Variants in PHF12 observed in about 807,000 individuals in gnomAD.
The protein encoded by PHF12 is PHD factor 1.
Under a neutral mutation model 99.8 loss-of-function variants are expected in PHF12, and 6 were observed. The ratio of observed to expected loss-of-function variants is 0.06; its 90% confidence interval spans 0.03 to 0.12. The LOEUF is 0.12. PHF12 is among the 10% of genes least tolerant of loss of function. PHF12 has a pLI of 1.00. For missense variants in PHF12, 954 were observed against 1,300.1 expected (o/e 0.73, Z 4.09); for synonymous variants, 480 against 514.9 (o/e 0.93, Z 0.92).
chr17:28,912,670 C>A lies in PHF12; in HGVS notation c.1901G>T (p.Ser634Ile). The A allele has an allele frequency of 6.2e-7, 1 of 1,614,198 alleles. No homozygotes were observed. Among genetic ancestry groups the A allele is most frequent in the Non-Finnish European group, 8.5e-7 (1 of 1,180,042 alleles). The change falls in exon 9 of 15, where the codon AGC (serine) becomes ATC (isoleucine). Residue 634 changes from serine to isoleucine, a missense_variant. Ser to Ile is a moderately radical substitution (Grantham distance 142). Around this residue, in one of 8 missense-constraint regions of PHF12, gnomAD observed 392 missense variants for 423.1 expected, o/e 0.93. Transcript: ENST00000332830. ...LPPSIPSSCA[S>I]IENTSTLQRK... is the part of the protein sequence containing the mutation. ...TTGCAAAGTGCTGGTGTTCTCGATG[C>A]TGGCACAAGAGCTGGGAATGGAAGG...
chr17:28,930,825 C>T (rs1230079337), intron 2 of PHF12, among the ~76,000 whole-genome samples: 1 of 152,334 alleles, frequency 6.6e-6, no homozygotes, highest in South Asian at 2.1e-4. Flanking sequence ...AATACCAGCA[C>T]TTTGTGAGGC....
chr17:28,914,165 G>C, intron 7 of PHF12, 128 bp from the exon 8 acceptor site: 1 of 1,026,890 alleles, frequency 9.7e-7, no homozygotes, highest in South Asian at 1.8e-5. Flanking sequence ...GGGGTCTGCT[G>C]AGGAAAAGGA....
At chr17:28,934,610 ATTTT>A (rs561144385) in intron 2 of PHF12, among the ~76,000 whole-genome samples, 2 of 126,510 alleles carry the variant, frequency 1.6e-5, no homozygotes, top group Non-Finnish European at 1.7e-5. Flanking sequence ...TTTCTTTTCT[ATTTT>A]TTTTTTTTTT....
chr17:28,928,952 C>T (rs1487060400), intron 2 of PHF12, among the ~76,000 whole-genome samples: 5 of 151,256 alleles, frequency 3.3e-5, no homozygotes, highest in Non-Finnish European at 7.4e-5. Context: ...AAAAATTAGC[C>T]GGGTGTAGTG....
In PHF12 at chr17:28,950,776, G is replaced by C. The variant is rs905401671; in HGVS notation, c.66+119C>G. On this transcript the variant is annotated intron_variant, in intron 1 of 14. Transcript: ENST00000332830. The surrounding 1 kb of genome is among the most constrained non-coding windows in gnomAD (Gnocchi z 5.7). ...AAGAGGGGAGGGAGAGGCTAGGTGA[G>C]GAAGAATCCCCCTCCCTCGGCCATC... The C allele has an allele frequency of 7.0e-7, 1 of 1,427,180 alleles. No homozygotes were observed. The highest frequency in any genetic ancestry group is 9.4e-7 in the Non-Finnish European group (1 of 1,060,050). 88.4% of individuals were successfully genotyped at this position (1,427,180 alleles called of 1,614,324 possible). A position where few individuals can be genotyped will look rare whatever the true frequency, so the allele number is the denominator to read the frequency against.
chr17:28,943,279 G>A (rs1396817908), intron 2 of PHF12, among the ~76,000 whole-genome samples: 5 of 152,134 alleles, frequency 3.3e-5, no homozygotes, highest in Non-Finnish European at 5.9e-5. Flanking sequence ...GTTACCATAC[G>A]ACCCAGCAAT....
intron 2 of PHF12, among the ~76,000 whole-genome samples, chr17:28,932,876 G>A (rs1442395524): frequency 6.6e-6 from 1 of 152,216 alleles, no homozygotes; most frequent in African/African-American, 2.4e-5. Context: ...AACCCAGGAG[G>A]TGGAGGTTGC....
At chr17:28,939,747 C>A (rs1226319448) in intron 2 of PHF12, among the ~76,000 whole-genome samples, 1 of 152,212 alleles carries the variant, frequency 6.6e-6, no homozygotes, top group Admixed American at 6.5e-5. Flanking sequence ...CTCTGAGGAC[C>A]ATAGCTGAGT....
rs1199337701 is a variant in PHF12 at position 28,927,101 on chromosome 17, C to A, written c.249-38G>T. On this transcript the variant is annotated intron_variant, in intron 2 of 14. Transcript: ENST00000332830. ...GACAAGGGCAAGACTAAATAACTAG[C>A]CCTTTGAGGCAGTAGGAAAAGCCTA... is the stretch of plus-strand genomic sequence containing the variant. 7 of 1,567,890 alleles carry A rather than the reference C, an allele frequency of 4.5e-6. No homozygotes were observed. In the African/African-American group the frequency reaches 8.1e-5, roughly 18 times the overall value.
intron 7 of PHF12, among the ~76,000 whole-genome samples, chr17:28,915,834 G>A (rs1401787796): frequency 6.6e-6 from 1 of 152,190 alleles, no homozygotes; most frequent in Non-Finnish European, 1.5e-5. Flanking sequence ...AGTACAAAAT[G>A]CTTTGCAGGT....
rs2040780339 is a variant in PHF12, at chr17:28,949,976, C to CGTTA, written c.248+85_248+88dup. The CGTTA allele has an allele frequency of 2.9e-6, 4 of 1,401,720 alleles. No homozygotes were observed. The highest frequency in any genetic ancestry group is 3.8e-6 in the Non-Finnish European group (4 of 1,049,930). 86.8% of individuals were successfully genotyped at this position (1,401,720 alleles called of 1,614,324 possible). A position where few individuals can be genotyped will look rare whatever the true frequency, so the allele number is the denominator to read the frequency against. Reference sequence around the variant, plus strand: ...AAGTCAGCTAGCGGCTGCAAGCGCCCGTTATTTCGGCAGTCAGGGGCAGGC... The same window carrying CGTTA: ...AAGTCAGCTAGCGGCTGCAAGCGCCCGTTAGTTATTTCGGCAGTCAGGGGCAGGC... On this transcript the variant is annotated intron_variant, in intron 2 of 14. Coordinates refer to ENST00000332830, the MANE Select transcript of PHF12 (RefSeq NM_001033561.2). This position sits in a 1 kb window ranked among gnomAD's most constrained non-coding sequence, Gnocchi z 4.6.
Position 28,905,371 on chromosome 17 carries a change from G to A in PHF12, c.*812C>T, listed in dbSNP as rs757132863. On this transcript the variant is annotated 3_prime_UTR_variant, in exon 15 of 15. Coordinates refer to ENST00000332830, the MANE Select transcript of PHF12 (RefSeq NM_001033561.2). ...GGTGGGAGGAGAGGAGGGAACCAGGGGCAGGAGGAAGAGGAGAGAAGTGGC... is the reference window on the plus strand; with the variant it reads ...GGTGGGAGGAGAGGAGGGAACCAGGAGCAGGAGGAAGAGGAGAGAAGTGGC... The A allele has an allele frequency of 1.3e-5, 2 of 152,664 alleles. No homozygotes were observed. The highest frequency in any genetic ancestry group is 2.9e-5 in the Non-Finnish European group (2 of 68,064). The allele number at this position is 152,664 out of a possible 1,614,324, so 9.5% of individuals were successfully genotyped here.
chr17:28,910,495 G>T, intron 10 of PHF12, 126 bp from the exon 11 acceptor site: 1 of 1,138,940 alleles, frequency 8.8e-7, no homozygotes, highest in Non-Finnish European at 1.2e-6. Flanking sequence ...TACTCAAACA[G>T]CATTGAGTGC....
chr17:28,943,202 A>G (rs1174188535), intron 2 of PHF12, among the ~76,000 whole-genome samples: 1 of 152,220 alleles, frequency 6.6e-6, no homozygotes, highest in Non-Finnish European at 1.5e-5. Flanking sequence ...ACCCTCCTAC[A>G]CTACTGGTAG....
Position 28,906,655 on chromosome 17 carries a change from G to T in PHF12, c.2681-138C>A. ...GGAGGAAGGATGCTCAGAAAGGGTT[G>T]GTGGAGTCTGAAGTCCCCACAGGTG... On this transcript the variant is annotated intron_variant, in intron 14 of 14. Transcript: ENST00000332830. The surrounding 1 kb of genome is among the most constrained non-coding windows in gnomAD (Gnocchi z 4.2). 1 of 1,230,892 alleles carries T rather than the reference G, an allele frequency of 8.1e-7. No homozygotes were observed. Among genetic ancestry groups the T allele is most frequent in the Non-Finnish European group, 1.1e-6 (1 of 893,862 alleles). 76.2% of individuals were successfully genotyped at this position (1,230,892 alleles called of 1,614,324 possible).
chr17:28,912,672 G>A lies in PHF12; in HGVS notation c.1899C>T (p.Ala633=), dbSNP rs1264430019. The change falls in exon 9 of 15, where the codon GCC becomes GCT. Residue 633 remains alanine, a synonymous_variant. Transcript: ENST00000332830. ...GCAAAGTGCTGGTGTTCTCGATGCT[G>A]GCACAAGAGCTGGGAATGGAAGGGG... ...SLPPSIPSSC[A]SIENTSTLQR... 5.0e-6 allele frequency: 8 copies of A among 1,614,220 alleles called. No homozygotes were observed. Among genetic ancestry groups the A allele is most frequent in the Admixed American group, 3.3e-5 (2 of 60,032 alleles).
intron 2 of PHF12, among the ~76,000 whole-genome samples, chr17:28,939,757 T>TA (rs1483098018): frequency 6.6e-6 from 1 of 152,052 alleles, no homozygotes. Flanking sequence ...CATAGCTGAG[T>TA]AAAAAAGATG....
intron 6 of PHF12, among the ~76,000 whole-genome samples, chr17:28,917,812 G>A (rs1044851116): frequency 5.9e-5 from 9 of 152,050 alleles, no homozygotes; most frequent in African/African-American, 2.2e-4. Flanking sequence ...CAGAGAAGAC[G>A]TATGCTTCGA....
chr17:28,926,219 C>T (rs779018154), intron 3 of PHF12: 1 of 154,760 alleles, frequency 6.5e-6, no homozygotes, highest in Non-Finnish European at 1.4e-5. Flanking sequence ...CCTGTTTCTG[C>T]AACCAAGGAA....
Sources: gnomAD v4.1 joint callset for allele counts (sites outside exome capture counted in the v4.1 genomes callset) on GRCh38, gnomAD v4.1.1 for gene constraint, gnomAD v4.1.1 regional missense constraint, Gnocchi (gnomAD v3.1) non-coding constraint, MANE v1.5 for transcripts, NCBI Gene and HGNC (gene_info 2026-07-23, HGNC 2026-07-21) for gene names.